The following TOP3B variants were observed in gnomAD, a reference collection of about 807,000 sequenced individuals.
TOP3B encodes DNA topoisomerase III beta, also known as DNA topoisomerase 3-beta-1.
In TOP3B, 45 loss-of-function variants were observed where a neutral mutation model predicts 93.9. That is an observed-to-expected ratio of 0.48 (90% CI 0.38 to 0.61). The LOEUF is 0.61. TOP3B is among the 20% of genes least tolerant of loss of function. The probability of loss-of-function intolerance (pLI) is 0.00; values close to 1 mark genes in which losing one functional copy is unlikely to be tolerated. For synonymous variants in TOP3B, 357 were observed against 472.6 expected (o/e 0.76, Z 3.17); for missense variants, 750 against 1,156.1 (o/e 0.65, Z 5.09).
rs149750093 is a variant in TOP3B, at chr22:21,962,490, C to T, written c.1464G>A (p.Thr488=). 539 of 1,613,742 alleles carry T rather than the reference C, an allele frequency of 3.3e-4. 1 individual carries two copies. The highest frequency in any genetic ancestry group is 4.2e-4 in the Non-Finnish European group (493 of 1,180,012). The change falls in exon 13 of 18, where the codon ACG becomes ACA. Residue 488 remains threonine, a synonymous_variant. Coordinates refer to ENST00000357179, the MANE Select transcript of TOP3B (RefSeq NM_001282112.2). ...CCTCCGTCAGGTAGTCGGGTGGGTTCGTCTGCTTCTCCAGCATCTTCACCT... is the reference window on the plus strand; with the variant it reads ...CCTCCGTCAGGTAGTCGGGTGGGTTTGTCTGCTTCTCCAGCATCTTCACCT... ...VGEVKMLEKQ[T]NPPDYLTEAE... is the part of the protein sequence containing the mutation.
At chr22:21,966,343 A>G (rs921585639) in intron 8 of TOP3B, 2 of 152,164 alleles carry the variant, frequency 1.3e-5, no homozygotes, top group African/African-American at 2.4e-5. Flanking sequence ...AGGAGGAGTC[A>G]GAAGGGCTGC....
In TOP3B at chr22:21,959,251, C is replaced by T. The variant is rs1569140190; in HGVS notation, c.1805-19G>A. On this transcript the variant is annotated intron_variant, in intron 15 of 17. Coordinates refer to ENST00000357179, the MANE Select transcript of TOP3B (RefSeq NM_001282112.2). The stretch of plus-strand genomic sequence containing the variant: ...TCCATGCCTGCGGGCAAGCAGAGTG[C>T]AGGAGTCATCTCCCTCCCAGTCCCC... 1 of 1,610,446 alleles carries T rather than the reference C, an allele frequency of 6.2e-7. No individual in the cohort carries two copies. Among genetic ancestry groups the T allele is most frequent in the East Asian group, 2.2e-5 (1 of 44,868 alleles).
chr22:21,972,279 T>C (rs2071671006), intron 4 of TOP3B: 2 of 449,526 alleles, frequency 4.4e-6, no homozygotes, highest in East Asian at 7.4e-5. Flanking sequence ...TTATGCATAA[T>C]TTTTCTGTCT....
chr22:21,967,710 T>A lies in TOP3B; in HGVS notation c.745A>T (p.Thr249Ser). 1 of 1,613,334 alleles carries A rather than the reference T, an allele frequency of 6.2e-7. No individual in the cohort carries two copies. Among genetic ancestry groups the A allele is most frequent in the Non-Finnish European group, 8.5e-7 (1 of 1,179,372 alleles). The change falls in exon 8 of 18, where the codon ACT (threonine) becomes TCT (serine). Residue 249 changes from threonine to serine, a missense_variant. This residue lies in a region of TOP3B where 737 missense variants were observed against 933.7 expected (regional missense o/e 0.79). Coordinates refer to ENST00000357179, the MANE Select transcript of TOP3B (RefSeq NM_001282112.2). ...TYWVLQAKVN[T>S]DKDRSLLLDW... ...AAAAGGAGAGATCTGTCTTTGTCAG[T>A]GTTAACCTGCAGGAAAAAGGATAAA...
At chr22:21,967,889 G>A in intron 7 of TOP3B, 173 bp from the exon 8 acceptor site, 1 of 591,258 alleles carries the variant, frequency 1.7e-6, no homozygotes. Context: ...GCTGACATCT[G>A]GCCCTCTCCA....
intron 8 of TOP3B, chr22:21,965,645 T>A (rs990228170): frequency 1.1e-4 from 23 of 214,990 alleles, no homozygotes; most frequent in Admixed American, 4.8e-4. Context: ...GGCGGGTGGA[T>A]CACCTGAGGT....
chr22:21,974,542 T>C, intron 2 of TOP3B, 54 bp from the exon 3 acceptor site: 1 of 1,526,420 alleles, frequency 6.6e-7, no homozygotes, highest in Non-Finnish European at 8.9e-7. Context: ...CTGAAGACCC[T>C]GTGGAGACCC....
chr22:21,968,523 C>T (rs2071502955), intron 7 of TOP3B, 96 bp downstream of exon 7: 4 of 1,521,774 alleles, frequency 2.6e-6, no homozygotes, highest in Admixed American at 3.7e-5. Context: ...CTTCTGCCCT[C>T]AGCCCGGGGC....
chr22:21,966,637 C>T (rs1202421858), intron 8 of TOP3B: 1 of 152,250 alleles, frequency 6.6e-6, no homozygotes, highest in Non-Finnish European at 1.5e-5. Context: ...CCACTCTCTA[C>T]CTCTGCTGAA....
At position 21,971,993 on chromosome 22, in the gene TOP3B, G is replaced by C; in HGVS notation, c.310-42C>G. 6.4e-7 allele frequency: 1 copy of C among 1,571,134 alleles called. No individual in the cohort carries two copies. The highest frequency in any genetic ancestry group is 8.7e-7 in the Non-Finnish European group (1 of 1,149,274). ...GTTCACACGTACCTGCTGCAGACCC[G>C]GTCTGTGCCACCCGCCCCCAGTGCT... is the stretch of plus-strand genomic sequence containing the variant. On this transcript the variant is annotated intron_variant, in intron 4 of 17. Coordinates refer to ENST00000357179, the MANE Select transcript of TOP3B (RefSeq NM_001282112.2). The surrounding 1 kb of genome is among the most constrained non-coding windows in gnomAD (Gnocchi z 4.6).
Position 21,967,393 on chromosome 22 carries a change from G to A in TOP3B, c.852+210C>T, listed in dbSNP as rs1347211336. On this transcript the variant is annotated intron_variant, in intron 8 of 17. Coordinates refer to ENST00000357179, the MANE Select transcript of TOP3B (RefSeq NM_001282112.2). ...GTGGACAGTGCCTGGTATGGAGCGG[G>A]CATGCAGTACACTGTGACTATTGCA... 7.1e-6 allele frequency: 4 copies of A among 565,566 alleles called. No individual in the cohort carries two copies. The African/African-American group carries it at 7.5e-5, about 11-fold the overall frequency. 35.0% of individuals were successfully genotyped at this position (565,566 alleles called of 1,614,324 possible).
rs71197632 is a variant in TOP3B, at chr22:21,965,385, AG to A, written c.853-11del. 0.088 allele frequency: 139,808 copies of A among 1,588,602 alleles called. 7,267 individuals are homozygous for A. Among genetic ancestry groups the A allele is most frequent in the Non-Finnish European group, 0.1 (120,416 of 1,164,932 alleles). ...TGCTTGTGGCCTCCACCTGGAAGAC[AG>A]GACAGTCAATGATTTGGGGAAGGAG... On this transcript the variant is annotated splice_polypyrimidine_tract_variant and intron_variant, in intron 8 of 17. Coordinates refer to ENST00000357179, the MANE Select transcript of TOP3B (RefSeq NM_001282112.2).
rs557395354 is a variant in TOP3B at position 21,971,046 on chromosome 22, A to G, written c.385-640T>C. 1.5e-5 allele frequency: 20 copies of G among 1,302,948 alleles called. No homozygotes were observed. Among genetic ancestry groups the G allele is most frequent in the South Asian group, 3.7e-5 (3 of 80,964 alleles). The allele number at this position is 1,302,948 out of a possible 1,614,324, so 80.7% of individuals were successfully genotyped here. A position where few individuals can be genotyped will look rare whatever the true frequency, so the allele number is the denominator to read the frequency against. On this transcript the variant is annotated intron_variant, in intron 5 of 17. Coordinates refer to ENST00000357179, the MANE Select transcript of TOP3B (RefSeq NM_001282112.2). The surrounding 1 kb of genome is among the most constrained non-coding windows in gnomAD (Gnocchi z 4.6). ...TGGCCACGCAGCTTCCTTACTGGGA[A>G]TAAGTGGCTTCATTTCTGAAGGGAG...
chr22:21,959,392 C>T (rs983844035), intron 15 of TOP3B, 160 bp from the exon 16 acceptor site: 34 of 1,482,676 alleles, frequency 2.3e-5, no homozygotes, highest in African/African-American at 4.2e-5. Flanking sequence ...GTCAGAGGCA[C>T]GTGTTCCTGG....
chr22:21,960,199 T>C, intron 14 of TOP3B, 122 bp downstream of exon 14: 1 of 1,425,840 alleles, frequency 7.0e-7, no homozygotes, highest in Non-Finnish European at 9.6e-7. Flanking sequence ...GTTGAGGGAG[T>C]GTGTGTGGGG....
Position 21,977,931 on chromosome 22 carries a change from G to A in TOP3B, c.-98-2124C>T, listed in dbSNP as rs75721383. Among the ~76,000 whole-genome samples, 473 of 152,154 alleles carry A rather than the reference G, an allele frequency of 3.1e-3. 1 individual carries two copies. The highest frequency in any genetic ancestry group is 0.011 in the African/African-American group (457 of 41,518). On this transcript the variant is annotated intron_variant, in intron 1 of 17. Coordinates refer to ENST00000357179, the MANE Select transcript of TOP3B (RefSeq NM_001282112.2). ...AGTATGGGAGCAGGGGAGGGACAGG[G>A]CAGGGCTGGGTGACACCTGGGAGAA...
In TOP3B at chr22:21,964,162, G is replaced by A. The variant is rs1335202500; in HGVS notation, c.1097C>T (p.Thr366Met). 10 of 1,613,858 alleles carry A rather than the reference G, an allele frequency of 6.2e-6. No homozygotes were observed. Among genetic ancestry groups the A allele is most frequent in the Middle Eastern group, 3.3e-4 (2 of 6,084 alleles). ...TGAGGCCGGCCCGGCTCCACTCACC[G>A]TGTCGGCCCAGTAGGGGTGGTTGGC... ...QQANHPYWADTVKRLLAEGIN... is the reference protein window; with the variant it reads ...QQANHPYWADMVKRLLAEGIN... Residue 366 changes from threonine (T) to methionine (M), a missense_variant and splice_region_variant, in exon 10 of 18, where the codon ACG (threonine) becomes ATG (methionine). By Grantham distance (81) the Thr-to-Met change is moderately conservative. Transcript: ENST00000357179.
chr22:21,962,771 A>G lies in TOP3B; in HGVS notation c.1327T>C (p.Ser443Pro). ...CCTGGTGAGAGGACGGTCTTCCCGGAGCAGGTGAAGAGCTCGGGCCCAATT... is the reference window on the plus strand; with the variant it reads ...CCTGGTGAGAGGACGGTCTTCCCGGGGCAGGTGAAGAGCTCGGGCCCAATT... The part of the protein sequence containing the change: ...FRIGPELFTC[S>P]GKTVLSPGFT... Residue 443 changes from serine (S) to proline (P), a missense_variant, in exon 12 of 18, where the codon TCC becomes CCC. By Grantham distance (74) the Ser-to-Pro change is moderately conservative (BLOSUM62 -1). Around this residue, in one of 4 missense-constraint regions of TOP3B, gnomAD observed 737 missense variants for 933.7 expected, o/e 0.79. Transcript: ENST00000357179. 1.2e-6 allele frequency: 2 copies of G among 1,614,090 alleles called. No individual in the cohort carries two copies. The highest frequency in any genetic ancestry group is 1.1e-5 in the South Asian group (1 of 91,070).
At chr22:21,968,985 A>T (rs940385593) in intron 6 of TOP3B, 1 of 565,146 alleles carries the variant, frequency 1.8e-6, no homozygotes, top group Non-Finnish European at 3.2e-6. Flanking sequence ...GAGAGAGGAG[A>T]CAGAGGTTTC....
Sources: gnomAD v4.1 joint callset for allele counts (sites outside exome capture counted in the v4.1 genomes callset) on GRCh38, gnomAD v4.1.1 for gene constraint, gnomAD v4.1.1 regional missense constraint, Gnocchi (gnomAD v3.1) non-coding constraint, MANE v1.5 for transcripts, NCBI Gene and HGNC (gene_info 2026-07-23, HGNC 2026-07-21) for gene names.